Variants in NPC1 observed in about 807,000 individuals in gnomAD.
NPC1 encodes NPC intracellular cholesterol transporter 1.
A neutral mutation model predicts 140.4 loss-of-function variants in NPC1; 85 were observed. The observed-to-expected ratio is 0.61, with a 90% CI of 0.51 to 0.72. The LOEUF is 0.72. Among genes scored for constraint, NPC1 ranks in the 30% least tolerant of loss-of-function variants. NPC1 has a pLI of 0.00. For synonymous variants in NPC1, 656 were observed against 624.8 expected, an observed-to-expected ratio of 1.05 and a Z score of -0.74; for missense variants, 1,504 against 1,623.8, an observed-to-expected ratio of 0.93 and a Z score of 1.27.
intron 1 of NPC1, 87 bp downstream of exon 1, chr18:23,586,200 C>G: frequency 7.0e-7 from 1 of 1,438,274 alleles, no homozygotes; most frequent in Non-Finnish European, 9.3e-7. Context: ...GGACCCGGGC[C>G]TGAGCCGTCG....
At position 23,533,770 on chromosome 18, in the gene NPC1, T is replaced by TGCTGG. The variant is rs2058580018; in HGVS notation, c.3592-258_3592-254dup. On this transcript the variant is annotated intron_variant, in intron 23 of 24. Transcript: ENST00000269228. ...GTCCGCCAGCCTTGGCCTCCCAAAG[T>TGCTGG]GCTGGGGTTATAGGCATGAGCCACC... 3 of 489,368 alleles carry TGCTGG rather than the reference T, an allele frequency of 6.1e-6. No individual in the cohort carries two copies. The Admixed American group carries it at 9.8e-5, about 16-fold the overall frequency. The allele number at this position is 489,368 out of a possible 1,614,324, so 30.3% of individuals were successfully genotyped here.
intron 19 of NPC1, chr18:23,538,961 CTA>C: frequency 2.1e-6 from 1 of 467,332 alleles, no homozygotes; most frequent in Non-Finnish European, 3.9e-6. Flanking sequence ...CCCGGGGCTT[CTA>C]TGTTTTTATT....
downstream of NPC1, among the ~76,000 whole-genome samples, chr18:23,524,729 G>A (rs1385634359): frequency 6.6e-6 from 1 of 151,726 alleles, no homozygotes; most frequent in Non-Finnish European, 1.5e-5. Flanking sequence ...AGCCCATTCT[G>A]GAAAAGCCAG....
At chr18:23,520,414 A>C, downstream of NPC1, 1 of 949,176 alleles carries the variant, frequency 1.1e-6, no homozygotes, top group Non-Finnish European at 1.6e-6. Context: ...AGTGAGGAAT[A>C]AACAGAGATT....
intron 18 of NPC1, 108 bp from the exon 19 acceptor site, chr18:23,539,578 C>T: frequency 1.2e-6 from 1 of 849,510 alleles, no homozygotes; most frequent in Admixed American, 2.5e-5. Flanking sequence ...ATACTGCTAA[C>T]AGTCAAAAGA....
chr18:23,572,253 A>C, intron 2 of NPC1, 73 bp from the exon 3 acceptor site: 6 of 952,188 alleles, frequency 6.3e-6, no homozygotes, highest in Non-Finnish European at 1.0e-5. Flanking sequence ...CAGTGAACTA[A>C]GACACATTCA....
chr18:23,539,451 G>A lies in NPC1; in HGVS notation c.2815C>T (p.Pro939Ser). The A allele has an allele frequency of 1.2e-6, 2 of 1,613,240 alleles. No homozygotes were observed. Among genetic ancestry groups the A allele is most frequent in the Non-Finnish European group, 1.7e-6 (2 of 1,179,528 alleles). The stretch of plus-strand genomic sequence containing the variant: ...AAATAATCGTCGATCCAGGACGAGG[G>A]GGCGAAGCCTATTCGGGTACTAGAG... ...LDNYTRIGFA[P>S]SSWIDDYFDW... Residue 939 changes from proline to serine, a missense_variant, in exon 19 of 25, where the codon CCC (proline) becomes TCC (serine). Physicochemically the swap from Pro to Ser is moderately conservative, Grantham distance 74 (BLOSUM62 -1). Transcript: ENST00000269228.
chr18:23,530,180 T>C, downstream of NPC1: 2 of 1,613,904 alleles, frequency 1.2e-6, no homozygotes, highest in East Asian at 4.5e-5. Flanking sequence ...AAATGGAAAA[T>C]TTTAACCGTT....
intron 3 of NPC1, among the ~76,000 whole-genome samples, chr18:23,511,266 A>G (rs2057850830): frequency 6.6e-6 from 1 of 151,976 alleles, no homozygotes; most frequent in African/African-American, 2.4e-5. Flanking sequence ...TCTAAGTGGG[A>G]GCTAAATGTA....
At chr18:23,524,574 CTT>C (rs1304777465), downstream of NPC1, 433 of 1,313,698 alleles carry the variant, frequency 3.3e-4, 1 homozygote, top group African/African-American at 5.9e-3. Context: ...AGGTGAATCT[CTT>C]AGAAATGACC....
In NPC1 at chr18:23,531,783, T is replaced by C; in HGVS notation, c.*419A>G. ...TAATAAAGCTCTTTAAACTATAAAA[T>C]GTTATAAAGTGTATCTACAACCTCA... On this transcript the variant is annotated 3_prime_UTR_variant, in exon 25 of 25. Transcript: ENST00000269228. 1.9e-6 allele frequency: 3 copies of C among 1,553,914 alleles called. No individual in the cohort carries two copies. Among genetic ancestry groups the C allele is most frequent in the Middle Eastern group, 1.8e-4 (1 of 5,674 alleles).
chr18:23,557,553 G>A (rs147139263), intron 6 of NPC1, among the ~76,000 whole-genome samples: 2 of 152,312 alleles, frequency 1.3e-5, no homozygotes, highest in African/African-American at 4.8e-5. Flanking sequence ...TCAAGAGATC[G>A]AGACCAACCT....
Position 23,531,536 on chromosome 18 carries a change from T to A in NPC1, c.*666A>T, listed in dbSNP as rs113821640. On this transcript the variant is annotated 3_prime_UTR_variant, in exon 25 of 25. Transcript: ENST00000269228. Reference sequence around the variant, plus strand: ...TGTATTTTATTAAAGAAAAATAAGTTAAAACCCAGTAGACACACCTACGAG... The same window carrying A: ...TGTATTTTATTAAAGAAAAATAAGTAAAAACCCAGTAGACACACCTACGAG... The A allele has an allele frequency of 7.8e-5, 120 of 1,539,652 alleles. No individual in the cohort carries two copies. In the African/African-American group the frequency reaches 1.3e-3, roughly 17 times the overall value.
In NPC1 at chr18:23,586,448, G is replaced by A. The variant is rs2059420595; in HGVS notation, c.-105C>T. 2 of 1,502,742 alleles carry A rather than the reference G, an allele frequency of 1.3e-6. No individual in the cohort carries two copies. Among genetic ancestry groups the A allele is most frequent in the Non-Finnish European group, 8.8e-7 (1 of 1,132,514 alleles). 93.1% of individuals were successfully genotyped at this position (1,502,742 alleles called of 1,614,324 possible). ...TGTTTCAGCACCCCGCGCAGGAGGA[G>A]CGGAGGAGCAGGAGCAGGCGCTGAC... On this transcript the variant is annotated 5_prime_UTR_variant, in exon 1 of 25. Transcript: ENST00000269228.
At chr18:23,556,678 C>G in intron 7 of NPC1, 65 bp from the exon 8 acceptor site, 3 of 1,595,068 alleles carry the variant, frequency 1.9e-6, no homozygotes, top group Non-Finnish European at 2.6e-6. Flanking sequence ...AAAGTCGGAA[C>G]AGGGAAAGCA....
intron 3 of NPC1, among the ~76,000 whole-genome samples, chr18:23,516,645 A>T (rs2058013227): frequency 6.6e-6 from 1 of 151,776 alleles, no homozygotes; most frequent in Non-Finnish European, 1.5e-5. Flanking sequence ...ATGCTAAGGA[A>T]TTCCTTTACC....
Position 23,531,536 on chromosome 18 carries a change from T to C in NPC1, c.*666A>G. 1 of 1,539,652 alleles carries C rather than the reference T, an allele frequency of 6.5e-7. No homozygotes were observed. The highest frequency in any genetic ancestry group is 8.7e-7 in the Non-Finnish European group (1 of 1,148,566). On this transcript the variant is annotated 3_prime_UTR_variant, in exon 25 of 25. Coordinates refer to ENST00000269228, the MANE Select transcript of NPC1 (RefSeq NM_000271.5). ...TGTATTTTATTAAAGAAAAATAAGT[T>C]AAAACCCAGTAGACACACCTACGAG...
At chr18:23,511,421 G>A (rs1004363106) in intron 3 of NPC1, among the ~76,000 whole-genome samples, 7 of 152,234 alleles carry the variant, frequency 4.6e-5, no homozygotes, top group East Asian at 1.9e-4. Context: ...CACAAACCCC[G>A]TGACATGAGT....
At chr18:23,515,761 G>A in intron 3 of NPC1, 1 of 1,458,682 alleles carries the variant, frequency 6.9e-7, no homozygotes. Context: ...TCGAACTCCT[G>A]ACCTCAGGTG....
Sources: allele counts gnomAD v4.1 joint callset (sites outside exome capture counted in the v4.1 genomes callset), GRCh38; gene constraint gnomAD v4.1.1; transcripts MANE v1.5; gene names NCBI Gene and HGNC (gene_info 2026-07-23, HGNC 2026-07-21).